Variants in ADGB observed in about 807,000 individuals in gnomAD.
ADGB encodes the protein calpain-7-like protein.
ADGB carries 172 observed loss-of-function variants against 210.5 expected under a neutral mutation model. The ratio of observed to expected loss-of-function variants is 0.82; its 90% confidence interval spans 0.72 to 0.93. The LOEUF is 0.93. Ranked by LOEUF, ADGB falls within the 40% of genes least tolerant of loss-of-function variation. The pLI is 0.00. For synonymous variants in ADGB, 658 were observed against 662.7 expected (o/e 0.99, Z 0.11); for missense variants, 2,025 against 1,964.8 (o/e 1.03, Z -0.58).
intron 26 of ADGB, among the ~76,000 whole-genome samples, chr6:146,748,422 T>C (rs1199535272): frequency 6.6e-6 from 1 of 152,188 alleles, no homozygotes; most frequent in Non-Finnish European, 1.5e-5. Flanking sequence ...AAAGTGTCAG[T>C]AGGGTTGGTT....
Position 146,741,267 on chromosome 6 carries a change from A to G in ADGB, c.3173A>G (p.Asn1058Ser). 6.5e-7 allele frequency: 1 copy of G among 1,550,234 alleles called. No homozygotes were observed. The highest frequency in any genetic ancestry group is 8.7e-7 in the Non-Finnish European group (1 of 1,146,292). The change falls in exon 25 of 36, where the codon AAT becomes AGT. Residue 1058 changes from asparagine to serine, a missense_variant. Transcript: ENST00000397944. ...QKVVPYLYTKNKKGYTFVAEA... is the reference protein window; with the variant it reads ...QKVVPYLYTKSKKGYTFVAEA... ...GTGGTGCCTTATCTTTATACCAAGA[A>G]TAAGGTAGGTATAAAATTTATTCTC...
intron 1 of ADGB, among the ~76,000 whole-genome samples, chr6:146,633,410 T>A (rs1235541867): frequency 6.6e-6 from 1 of 151,536 alleles, no homozygotes; most frequent in Non-Finnish European, 1.5e-5. Flanking sequence ...CTCCTTTGGC[T>A]TCTTATCTCA....
intron 1 of ADGB, among the ~76,000 whole-genome samples, chr6:146,615,209 T>A (rs569135798): frequency 6.6e-6 from 1 of 151,476 alleles, no homozygotes; most frequent in East Asian, 1.9e-4. Context: ...CCAGCCAATC[T>A]CAGACTCTTT....
chr6:146,809,129 G>A (rs1400605036), intron 35 of ADGB, among the ~76,000 whole-genome samples: 1 of 152,098 alleles, frequency 6.6e-6, no homozygotes, highest in Non-Finnish European at 1.5e-5. Context: ...AGGAGCCTAG[G>A]AGGGCTAGAA....
rs190839126 is a variant in ADGB at position 146,745,942 on chromosome 6, G to A, written c.3198G>A (p.Ala1066=). 9.6e-5 allele frequency: 149 copies of A among 1,546,510 alleles called. No individual in the cohort carries two copies. Among genetic ancestry groups the A allele is most frequent in the Middle Eastern group, 3.4e-4 (2 of 5,944 alleles). ...TATAGAAGGGATACACTTTTGTGGC[G>A]GAAGCATTTACAGGCGACACATATG... The part of the protein sequence containing the change: ...TKNKKGYTFV[A]EAFTGDTYVA... The change falls in exon 26 of 36, where the codon GCG becomes GCA. Residue 1066 remains alanine (A), a synonymous_variant. Transcript: ENST00000397944.
intron 29 of ADGB, among the ~76,000 whole-genome samples, chr6:146,776,754 T>TA (rs929340642): frequency 1.3e-5 from 2 of 152,048 alleles, no homozygotes; most frequent in African/African-American, 4.8e-5. Flanking sequence ...GTTAAGCATT[T>TA]AAAAAACCCA....
intron 33 of ADGB, among the ~76,000 whole-genome samples, chr6:146,791,921 C>CTTTTT (rs66891404): frequency 2.7e-5 from 3 of 112,492 alleles, no homozygotes; most frequent in Non-Finnish European, 5.3e-5. Context: ...CTGCACCTTG[C>CTTTTT]TTTTTTTTTT....
At chr6:146,734,593 T>A (rs1777051142) in intron 22 of ADGB, among the ~76,000 whole-genome samples, 2 of 152,234 alleles carry the variant, frequency 1.3e-5, no homozygotes, top group South Asian at 4.1e-4. Context: ...TGAAATAAAA[T>A]CTTTTTGCCA....
At chr6:146,663,766 A>G (rs1775900133) in intron 5 of ADGB, among the ~76,000 whole-genome samples, 1 of 152,108 alleles carries the variant, frequency 6.6e-6, no homozygotes, top group East Asian at 1.9e-4. Flanking sequence ...TTGGAAGTGT[A>G]AGATCAGTGA....
intron 27 of ADGB, among the ~76,000 whole-genome samples, chr6:146,755,823 C>T (rs765246145): frequency 3.9e-5 from 6 of 152,028 alleles, no homozygotes; most frequent in Non-Finnish European, 8.8e-5. Context: ...ATAATCAGCA[C>T]CCTTCCTGAA....
intron 1 of ADGB, among the ~76,000 whole-genome samples, chr6:146,631,411 G>A (rs1781063130): frequency 6.6e-6 from 1 of 152,142 alleles, no homozygotes; most frequent in Admixed American, 6.6e-5. Context: ...GTATCTCACA[G>A]AATGTTTATG....
intron 13 of ADGB, 137 bp downstream of exon 13, chr6:146,701,207 T>C: frequency 9.9e-7 from 1 of 1,009,556 alleles, no homozygotes; most frequent in Non-Finnish European, 1.4e-6. Context: ...TTAAAATAAA[T>C]CTCTTATGTA....
chr6:146,623,067 C>T lies in ADGB; in HGVS notation c.75-12308C>T, dbSNP rs989082159. 2.0e-5 allele frequency among the ~76,000 whole-genome samples: 3 copies of T among 151,822 alleles called. No individual in the cohort carries two copies. In the East Asian group the frequency reaches 5.8e-4, roughly 29 times the overall value. ...CTGTTCCTTTGATCTGTTTATGTAT[C>T]TTGATGCCATTACCTTGTGGTGTTA... On this transcript the variant is annotated intron_variant, in intron 1 of 35. Transcript: ENST00000397944.
At chr6:146,768,198 T>G (rs1233366674) in intron 28 of ADGB, among the ~76,000 whole-genome samples, 2 of 152,202 alleles carry the variant, frequency 1.3e-5, no homozygotes. Context: ...TTAAATTCAA[T>G]GCAATCCCAA....
In ADGB at chr6:146,692,817, CT is replaced by C. The variant is rs1776349287; in HGVS notation, c.1487-3del. 1.5e-5 allele frequency: 22 copies of C among 1,473,572 alleles called. No individual in the cohort carries two copies. The highest frequency in any genetic ancestry group is 2.0e-5 in the Non-Finnish European group (22 of 1,094,032). The allele number at this position is 1,473,572 out of a possible 1,614,324, so 91.3% of individuals were successfully genotyped here. A position where few individuals can be genotyped will look rare whatever the true frequency, so the allele number is the denominator to read the frequency against. On this transcript the variant is annotated splice_region_variant and splice_polypyrimidine_tract_variant and intron_variant, in intron 11 of 35. Coordinates refer to ENST00000397944, the MANE Select transcript of ADGB (RefSeq NM_024694.4). ...TGTACATCATACTTTCTAACTGCTA[CT>C]TTTTAGAGTTAATAGTAAAGAAGCC...
intron 9 of ADGB, among the ~76,000 whole-genome samples, chr6:146,680,979 T>C (rs906715263): frequency 2.0e-5 from 3 of 152,146 alleles, no homozygotes; most frequent in African/African-American, 7.2e-5. Flanking sequence ...GCTTGGAGGA[T>C]TGCAGGTGCA....
At chr6:146,736,277 T>C (rs1222644774) in intron 22 of ADGB, among the ~76,000 whole-genome samples, 1 of 152,124 alleles carries the variant, frequency 6.6e-6, no homozygotes, top group Non-Finnish European at 1.5e-5. Flanking sequence ...AAACTTTAAA[T>C]TAAAGATGAA....
intron 32 of ADGB, among the ~76,000 whole-genome samples, chr6:146,787,166 C>A (rs990183274): frequency 6.6e-6 from 1 of 152,144 alleles, no homozygotes; most frequent in Admixed American, 6.6e-5. Flanking sequence ...GCTCAGAGAC[C>A]CTGACCCTGT....
intron 11 of ADGB, among the ~76,000 whole-genome samples, chr6:146,692,377 A>G (rs1180559913): frequency 2.6e-5 from 4 of 152,118 alleles, no homozygotes; most frequent in Non-Finnish European, 5.9e-5. Context: ...CCTCATGATC[A>G]TTACTTTGCT....
Sources: gnomAD v4.1 joint callset for allele counts (sites outside exome capture counted in the v4.1 genomes callset) on GRCh38, gnomAD v4.1.1 for gene constraint, MANE v1.5 for transcripts, NCBI Gene and HGNC (gene_info 2026-07-23, HGNC 2026-07-21) for gene names.